Variants in GRID1 observed in about 807,000 individuals in gnomAD.
GRID1 encodes glutamate ionotropic receptor delta type subunit 1.
A neutral mutation model predicts 98.0 loss-of-function variants in GRID1; 28 were observed. The observed-to-expected ratio is 0.29, with a 90% CI of 0.21 to 0.39. GRID1 has a LOEUF of 0.39. GRID1 is among the 10% of genes least tolerant of loss of function. The pLI is 1.00. For synonymous variants in GRID1, 553 were observed against 538.5 expected (o/e 1.03, Z -0.37); for missense variants, 1,111 against 1,340.5 (o/e 0.83, Z 2.67).
rs193053428 is a variant in GRID1, at chr10:86,063,666, T to A, written c.726+75153A>T. The stretch of plus-strand genomic sequence containing the variant: ...AGAAATAAAAATGTAAGTGAATATA[T>A]ATTGATATGGAAGACTTCCATGATA... On this transcript the variant is annotated intron_variant, in intron 4 of 15. Coordinates refer to ENST00000327946, the MANE Select transcript of GRID1 (RefSeq NM_017551.3). Among the ~76,000 whole-genome samples, 4 of 152,306 alleles carry A rather than the reference T, an allele frequency of 2.6e-5. No individual in the cohort carries two copies. The East Asian group carries it at 7.7e-4, about 29-fold the overall frequency.
chr10:86,329,669 A>C (rs1848109490), intron 2 of GRID1, among the ~76,000 whole-genome samples: 1 of 152,214 alleles, frequency 6.6e-6, no homozygotes, highest in Non-Finnish European at 1.5e-5. Context: ...CAACTGGCAG[A>C]ACCCAGAGGT....
In GRID1 at chr10:85,726,914, T is replaced by C. The variant is rs145301211; in HGVS notation, c.1533+941A>G. On this transcript the variant is annotated intron_variant, in intron 10 of 15. Coordinates refer to ENST00000327946, the MANE Select transcript of GRID1 (RefSeq NM_017551.3). ...TCTAAAATGGATAAATTTTATAGTA[T>C]GTGAATTTATCACAGTAAAGGTGTT... 1.7e-3 allele frequency among the ~76,000 whole-genome samples: 260 copies of C among 152,362 alleles called. 2 individuals carry two copies. The highest frequency in any genetic ancestry group is 5.8e-3 in the African/African-American group (240 of 41,596).
At chr10:86,137,905 C>A (rs1844952205) in intron 4 of GRID1, among the ~76,000 whole-genome samples, 1 of 152,168 alleles carries the variant, frequency 6.6e-6, no homozygotes, top group Non-Finnish European at 1.5e-5. Context: ...GCAGAATAAG[C>A]AAGCAAAGTA....
chr10:85,850,584 G>T (rs1423609339), intron 8 of GRID1, among the ~76,000 whole-genome samples: 1 of 152,170 alleles, frequency 6.6e-6, no homozygotes, highest in African/African-American at 2.4e-5. Context: ...CTTGGCTTTG[G>T]AGCTATAGTC....
At chr10:86,209,773 G>A (rs1311244295) in intron 2 of GRID1, among the ~76,000 whole-genome samples, 1 of 152,130 alleles carries the variant, frequency 6.6e-6, no homozygotes, top group African/African-American at 2.4e-5. Flanking sequence ...CCCACGGAGA[G>A]TCCTCCTTGC....
chr10:85,898,685 C>A lies in GRID1; in HGVS notation c.780+17501G>T, dbSNP rs76903701. On this transcript the variant is annotated intron_variant, in intron 5 of 15. Transcript: ENST00000327946. Reference sequence around the variant, plus strand: ...ATATCACTCTCTTCCACCTCCACATCTTGTCTCACTAGAAGGTCTTCAGGG... The same window carrying A: ...ATATCACTCTCTTCCACCTCCACATATTGTCTCACTAGAAGGTCTTCAGGG... Among the ~76,000 whole-genome samples the A allele has an allele frequency of 1.2e-4, 19 of 152,276 alleles. No individual in the cohort carries two copies. The East Asian group carries it at 3.5e-3, about 28-fold the overall frequency.
chr10:85,925,769 C>T (rs1028076928), intron 4 of GRID1, among the ~76,000 whole-genome samples: 2 of 152,192 alleles, frequency 1.3e-5, no homozygotes, highest in African/African-American at 4.8e-5. Flanking sequence ...TGACCCAGAG[C>T]GGGTACATCC....
intron 6 of GRID1, among the ~76,000 whole-genome samples, chr10:85,865,626 T>A (rs1427431732): frequency 6.6e-6 from 1 of 151,984 alleles, no homozygotes; most frequent in African/African-American, 2.4e-5. Context: ...TTTCCTTGAG[T>A]TGTTCTAAAC....
intron 12 of GRID1, among the ~76,000 whole-genome samples, chr10:85,682,155 C>T (rs1469223430): frequency 6.6e-6 from 1 of 152,202 alleles, no homozygotes; most frequent in Non-Finnish European, 1.5e-5. Context: ...AGGCAACACG[C>T]TGATATGAGA....
At chr10:85,997,732 A>G (rs545627830) in intron 4 of GRID1, among the ~76,000 whole-genome samples, 6 of 152,352 alleles carry the variant, frequency 3.9e-5, no homozygotes, top group East Asian at 3.9e-4. Flanking sequence ...TACTAAATGC[A>G]TTAAATGTAA....
chr10:86,159,452 A>T (rs1845289329), intron 3 of GRID1, among the ~76,000 whole-genome samples: 1 of 152,206 alleles, frequency 6.6e-6, no homozygotes, highest in African/African-American at 2.4e-5. Context: ...TGCCTACAGT[A>T]TTCAGTACAG....
intron 4 of GRID1, among the ~76,000 whole-genome samples, chr10:86,128,991 A>T (rs1339638921): frequency 6.6e-6 from 1 of 152,258 alleles, no homozygotes; most frequent in African/African-American, 2.4e-5. Context: ...TCAGAAAGCC[A>T]CATGGTGAGA....
At chr10:85,832,753 A>G (rs1488959201) in intron 8 of GRID1, among the ~76,000 whole-genome samples, 2 of 152,184 alleles carry the variant, frequency 1.3e-5, no homozygotes, top group Non-Finnish European at 2.9e-5. Context: ...ACACAGACCT[A>G]GAATTTTCTA....
At chr10:85,680,986 G>T (rs995909376) in intron 12 of GRID1, among the ~76,000 whole-genome samples, 13 of 152,098 alleles carry the variant, frequency 8.5e-5, no homozygotes, top group Admixed American at 6.5e-4. Context: ...GACTCAGAAG[G>T]GTGGCACGGG....
At chr10:86,149,471 C>T (rs986737291) in intron 3 of GRID1, among the ~76,000 whole-genome samples, 4 of 152,212 alleles carry the variant, frequency 2.6e-5, no homozygotes, top group African/African-American at 9.7e-5. Context: ...ACACCCCCTG[C>T]CTGGGGCACT....
intron 4 of GRID1, among the ~76,000 whole-genome samples, chr10:85,962,288 C>A (rs1246974936): frequency 1.3e-5 from 2 of 152,188 alleles, no homozygotes; most frequent in African/African-American, 2.4e-5. Flanking sequence ...TGCTTAGCAT[C>A]TGGTGACTGG....
At chr10:85,660,511 C>G (rs74316969) in intron 12 of GRID1, among the ~76,000 whole-genome samples, 5,619 of 152,120 alleles carry the variant, frequency 0.037, 135 homozygotes, top group Middle Eastern at 0.048. Flanking sequence ...TGTGACAGCC[C>G]TGGGAGAACA....
chr10:86,181,775 C>T (rs1845658754), intron 3 of GRID1, among the ~76,000 whole-genome samples: 1 of 152,166 alleles, frequency 6.6e-6, no homozygotes, highest in African/African-American at 2.4e-5. Flanking sequence ...CAGGACATTA[C>T]ATAATAACAA....
chr10:86,159,174 T>C (rs1234268960), intron 3 of GRID1, among the ~76,000 whole-genome samples: 1 of 152,224 alleles, frequency 6.6e-6, no homozygotes, highest in Non-Finnish European at 1.5e-5. Flanking sequence ...TTTATATTAA[T>C]TATATGTTGA....
Sources: gnomAD v4.1 joint callset for allele counts (sites outside exome capture counted in the v4.1 genomes callset) on GRCh38, gnomAD v4.1.1 for gene constraint, MANE v1.5 for transcripts, NCBI Gene and HGNC (gene_info 2026-07-23, HGNC 2026-07-21) for gene names.